Variants in PTPRN2 observed in about 807,000 individuals in gnomAD.
PTPRN2 encodes the protein protein tyrosine phosphatase receptor type N2, also known as receptor-type tyrosine-protein phosphatase N2.
Under a neutral mutation model 118.8 loss-of-function variants are expected in PTPRN2, and 74 were observed. That is an observed-to-expected ratio of 0.62 (90% CI 0.52 to 0.76). The LOEUF is 0.76. Ranked by LOEUF, PTPRN2 falls within the 30% of genes least tolerant of loss-of-function variation. PTPRN2 has a pLI of 0.00. For synonymous variants in PTPRN2, 641 were observed against 608.0 expected (o/e 1.05, Z -0.80); for missense variants, 1,481 against 1,394.4 (o/e 1.06, Z -0.99).
intron 11 of PTPRN2, among the ~76,000 whole-genome samples, chr7:158,056,622 T>C (rs1809814082): frequency 6.6e-6 from 1 of 152,200 alleles, no homozygotes; most frequent in Non-Finnish European, 1.5e-5. Flanking sequence ...CAAAGCTCGG[T>C]CAGCTGCTGG....
chr7:157,997,794 C>T (rs747642173), intron 11 of PTPRN2, among the ~76,000 whole-genome samples: 8 of 139,628 alleles, frequency 5.7e-5, no homozygotes, highest in South Asian at 2.4e-4. Flanking sequence ...AATGTGGGGC[C>T]GGAGGAATGG....
chr7:158,131,075 TTATACA>T (rs1818208836), intron 9 of PTPRN2, among the ~76,000 whole-genome samples: 2 of 20,364 alleles, frequency 9.8e-5, no homozygotes, highest in African/African-American at 7.5e-4. Context: ...ACACACACAC[TTATACA>T]CACACGCACA....
At chr7:157,641,066 C>G (rs958871493) in intron 14 of PTPRN2, among the ~76,000 whole-genome samples, 1 of 152,116 alleles carries the variant, frequency 6.6e-6, no homozygotes, top group African/African-American at 2.4e-5. Flanking sequence ...AGACAAGGCA[C>G]AACTGAAATA....
chr7:158,232,269 G>C (rs553411210), intron 3 of PTPRN2, among the ~76,000 whole-genome samples: 1 of 152,162 alleles, frequency 6.6e-6, no homozygotes, highest in East Asian at 1.9e-4. Flanking sequence ...TGAAAAAGGA[G>C]ATGTAACAAC....
chr7:158,149,996 C>G (rs1178948513), intron 6 of PTPRN2, among the ~76,000 whole-genome samples: 1 of 152,040 alleles, frequency 6.6e-6, no homozygotes, highest in East Asian at 1.9e-4. Flanking sequence ...TTTGTTAAGC[C>G]TCATTACAGA....
chr7:157,948,834 T>A (rs944267913), intron 11 of PTPRN2, among the ~76,000 whole-genome samples: 5 of 152,230 alleles, frequency 3.3e-5, no homozygotes, highest in South Asian at 2.1e-4. Context: ...GCTCAACTGG[T>A]GAGTCCGGTT....
chr7:158,540,277 G>A (rs1049604873), intron 1 of PTPRN2, among the ~76,000 whole-genome samples: 52 of 152,312 alleles, frequency 3.4e-4, no homozygotes, highest in African/African-American at 1.1e-3. Context: ...TACTCCAAGC[G>A]TATTAGGGTC....
At position 158,253,122 on chromosome 7, in the gene PTPRN2, C is replaced by T. The variant is rs548951193; in HGVS notation, c.278-47849G>A. Among the ~76,000 whole-genome samples the T allele has an allele frequency of 2.0e-4, 30 of 152,334 alleles. No homozygotes were observed. In the South Asian group the frequency reaches 3.7e-3, roughly 19 times the overall value. On this transcript the variant is annotated intron_variant, in intron 3 of 22. Transcript: ENST00000389418. The stretch of plus-strand genomic sequence containing the variant: ...AAGTGCTTTAAATATGTGTCAAGCA[C>T]TAATGCTGGGAGGACTTAAATAAAT...
At chr7:158,040,678 A>G (rs937129615) in intron 11 of PTPRN2, among the ~76,000 whole-genome samples, 3 of 152,180 alleles carry the variant, frequency 2.0e-5, no homozygotes, top group Admixed American at 1.3e-4. Flanking sequence ...AGACTTTTTT[A>G]GGCAAACAAA....
At chr7:158,536,653 G>A (rs751109544) in intron 1 of PTPRN2, among the ~76,000 whole-genome samples, 3 of 149,944 alleles carry the variant, frequency 2.0e-5, no homozygotes, top group Non-Finnish European at 3.0e-5. Context: ...GGCCTTCCCA[G>A]CCCACCATTG....
rs564048764 is a variant in PTPRN2, at chr7:157,631,831, C to CAAA, written c.2197-10325_2197-10323dup. Among the ~76,000 whole-genome samples, 186 of 72,438 alleles carry CAAA rather than the reference C, an allele frequency of 2.6e-3. 1 individual carries two copies. The highest frequency in any genetic ancestry group is 7.3e-3 in the African/African-American group (181 of 24,760). 47.5% of individuals were successfully genotyped at this position (72,438 alleles called of 152,430 possible). Reference sequence around the variant, plus strand: ...TGGGCGACAGAGCGAGACTCCGTCTCAAAAAAAAAAAAAAAAAGAGAGAAT... The same window carrying CAAA: ...TGGGCGACAGAGCGAGACTCCGTCTCAAAAAAAAAAAAAAAAAAAAGAGAGAAT... On this transcript the variant is annotated intron_variant, in intron 14 of 22. Transcript: ENST00000389418.
chr7:158,100,628 C>T (rs10252103), intron 10 of PTPRN2, among the ~76,000 whole-genome samples: 144,932 of 152,294 alleles, frequency 0.95, 69,005 homozygotes, highest in Middle Eastern at 0.98. Context: ...ATTGTGGTTT[C>T]GATTTGCATT....
intron 13 of PTPRN2, among the ~76,000 whole-genome samples, chr7:157,661,402 A>AGGCAACGCGC (rs1298984240): frequency 6.6e-6 from 1 of 152,254 alleles, no homozygotes; most frequent in Non-Finnish European, 1.5e-5. Flanking sequence ...GCCCACAGCA[A>AGGCAACGCGC]GGCAACGCGC....
chr7:158,079,667 C>G (rs1219194471), intron 11 of PTPRN2, among the ~76,000 whole-genome samples: 1 of 152,202 alleles, frequency 6.6e-6, no homozygotes, highest in African/African-American at 2.4e-5. Flanking sequence ...CGGATTTGGT[C>G]TTAAATATCT....
At chr7:157,924,859 A>G (rs111339876) in intron 11 of PTPRN2, among the ~76,000 whole-genome samples, 364 of 105,196 alleles carry the variant, frequency 3.5e-3, no homozygotes, top group African/African-American at 5.2e-3. Context: ...AGGCACCTGC[A>G]TTTAGCACGT....
At position 158,093,577 on chromosome 7, in the gene PTPRN2, T is replaced by A. The variant is rs1286228130; in HGVS notation, c.1644-12200A>T. Among the ~76,000 whole-genome samples, 1 of 152,214 alleles carries A rather than the reference T, an allele frequency of 6.6e-6. No individual in the cohort carries two copies. The highest frequency in any genetic ancestry group is 2.1e-4 in the South Asian group (1 of 4,832). ...TACCGACAGAAAACCAATAAAAAAA[T>A]GAGCTCACGTCTGGCTGCTACAGAA... On this transcript the variant is annotated intron_variant, in intron 10 of 22. Coordinates refer to ENST00000389418, the MANE Select transcript of PTPRN2 (RefSeq NM_002847.5). This position sits in a 1 kb window ranked among gnomAD's most constrained non-coding sequence, Gnocchi z 4.4.
At chr7:158,288,630 T>A (rs1179291652) in intron 3 of PTPRN2, among the ~76,000 whole-genome samples, 3 of 152,234 alleles carry the variant, frequency 2.0e-5, no homozygotes, top group African/African-American at 7.2e-5. Context: ...CTTTTTGTTG[T>A]AGCTATTATT....
chr7:157,842,004 A>T (rs1268720692), intron 12 of PTPRN2, among the ~76,000 whole-genome samples: 1 of 152,116 alleles, frequency 6.6e-6, no homozygotes, highest in Non-Finnish European at 1.5e-5. Context: ...CAAAATTGGA[A>T]CTTTCTCTTT....
chr7:158,097,259 C>G, intron 10 of PTPRN2, among the ~76,000 whole-genome samples: 1 of 152,044 alleles, frequency 6.6e-6, no homozygotes. Flanking sequence ...TGGAGGGGCC[C>G]GGGCAGCACT....
Sources: allele counts gnomAD v4.1 joint callset (sites outside exome capture counted in the v4.1 genomes callset), GRCh38; gene constraint gnomAD v4.1.1; non-coding constraint Gnocchi (gnomAD v3.1); transcripts MANE v1.5; gene names NCBI Gene and HGNC (gene_info 2026-07-23, HGNC 2026-07-21).